The following SGCZ variants were observed in gnomAD, a reference collection of about 807,000 sequenced individuals.
The protein encoded by SGCZ is sarcoglycan zeta.
A neutral mutation model predicts 41.3 loss-of-function variants in SGCZ; 40 were observed. The observed-to-expected ratio is 0.97, with a 90% CI of 0.75 to 1.26. The LOEUF is 1.26. SGCZ is among the 50% of genes most tolerant of loss of function. The pLI, the probability that SGCZ is intolerant of heterozygous loss-of-function variation, is 0.00. For synonymous variants in SGCZ, 206 were observed against 137.5 expected, an observed-to-expected ratio of 1.50 and a Z score of -3.49; for missense variants, 552 against 369.8, an observed-to-expected ratio of 1.49 and a Z score of -4.04.
chr8:14,203,755 C>T (rs1309370312), intron 4 of SGCZ, among the ~76,000 whole-genome samples: 1 of 152,096 alleles, frequency 6.6e-6, no homozygotes, highest in Non-Finnish European at 1.5e-5. Flanking sequence ...ATAATTAAAG[C>T]AGAATGCACT....
Position 15,056,455 on chromosome 8 carries a change from T to A in SGCZ, c.39+181130A>T, listed in dbSNP as rs188179131. On this transcript the variant is annotated intron_variant, in intron 1 of 7. Coordinates refer to ENST00000382080, the MANE Select transcript of SGCZ (RefSeq NM_139167.4). ...CAAACAGTGCCAGGCCCATTGTAAG[T>A]TGAACAAAAAACTCACTATTAATGA... 3.9e-5 allele frequency among the ~76,000 whole-genome samples: 6 copies of A among 152,210 alleles called. 1 individual carries two copies. The highest frequency in any genetic ancestry group is 1.9e-4 in the East Asian group (1 of 5,168).
chr8:14,345,269 G>T (rs982114255), intron 2 of SGCZ, among the ~76,000 whole-genome samples: 23 of 152,036 alleles, frequency 1.5e-4, no homozygotes, highest in African/African-American at 5.1e-4. Context: ...AAAAAGAATG[G>T]CACTATCAAG....
chr8:14,184,838 G>A (rs886775241), intron 4 of SGCZ, among the ~76,000 whole-genome samples: 3 of 152,106 alleles, frequency 2.0e-5, no homozygotes, highest in Admixed American at 6.5e-5. Context: ...TTTAACAAAA[G>A]TGCCCCTCTA....
intron 1 of SGCZ, among the ~76,000 whole-genome samples, chr8:14,835,816 T>C (rs1200636558): frequency 6.6e-6 from 1 of 152,206 alleles, no homozygotes; most frequent in African/African-American, 2.4e-5. Context: ...TTATGTCAGT[T>C]GCTGGGAAAT....
chr8:14,863,910 C>T (rs114729007), intron 1 of SGCZ, among the ~76,000 whole-genome samples: 2,274 of 152,168 alleles, frequency 0.015, 27 homozygotes, highest in African/African-American at 0.039. Flanking sequence ...TTTAATGTGT[C>T]TTGCATGGAA....
chr8:15,172,145 T>TCG lies in SGCZ; in HGVS notation c.39+65439_39+65440insCG, dbSNP rs1391706167. 6.7e-5 allele frequency among the ~76,000 whole-genome samples: 9 copies of TCG among 134,454 alleles called. No homozygotes were observed. In the East Asian group the frequency reaches 1.1e-3, roughly 16 times the overall value. 88.2% of individuals were successfully genotyped at this position (134,454 alleles called of 152,430 possible). ...TTAGTTTAAAGGAAAAAAATGCCTT[T>TCG]TATACTCTGTTTTTTTTTTTTTTTT... is the stretch of plus-strand genomic sequence containing the variant. On this transcript the variant is annotated intron_variant, in intron 1 of 7. Coordinates refer to ENST00000382080, the MANE Select transcript of SGCZ (RefSeq NM_139167.4).
At chr8:14,191,910 T>A (rs902586939) in intron 4 of SGCZ, among the ~76,000 whole-genome samples, 1 of 151,878 alleles carries the variant, frequency 6.6e-6, no homozygotes. Flanking sequence ...TGAAATTTTA[T>A]CTAAAAAAAA....
intron 1 of SGCZ, among the ~76,000 whole-genome samples, chr8:14,762,630 A>G (rs1799924150): frequency 1.3e-5 from 2 of 152,220 alleles, no homozygotes; most frequent in Admixed American, 1.3e-4. Flanking sequence ...AATTCAAAGC[A>G]AAATGACAAC....
intron 1 of SGCZ, among the ~76,000 whole-genome samples, chr8:14,566,828 G>A (rs922589721): frequency 8.5e-5 from 13 of 152,216 alleles, no homozygotes; most frequent in African/African-American, 2.2e-4. Context: ...TGGAGGGAGA[G>A]GCACAGGCAG....
intron 1 of SGCZ, among the ~76,000 whole-genome samples, chr8:14,685,551 A>G (rs1808585560): frequency 6.6e-6 from 1 of 152,130 alleles, no homozygotes; most frequent in African/African-American, 2.4e-5. Flanking sequence ...ATTGCTATTC[A>G]TTGAAATACT....
intron 1 of SGCZ, among the ~76,000 whole-genome samples, chr8:14,579,982 T>C (rs1360438306): frequency 6.6e-6 from 1 of 152,206 alleles, no homozygotes; most frequent in Non-Finnish European, 1.5e-5. Context: ...CTGAAATGAT[T>C]TAAGGAGCAG....
At chr8:14,544,111 C>T (rs544236389) in intron 2 of SGCZ, among the ~76,000 whole-genome samples, 1 of 152,068 alleles carries the variant, frequency 6.6e-6, no homozygotes, top group African/African-American at 2.4e-5. Context: ...GGACCCCAAA[C>T]GGAGGGACTG....
chr8:14,303,323 G>A (rs550548298), intron 3 of SGCZ, among the ~76,000 whole-genome samples: 24 of 152,156 alleles, frequency 1.6e-4, no homozygotes, highest in African/African-American at 5.5e-4. Context: ...CGAAATATGG[G>A]AGGTTAGGGT....
At position 14,823,055 on chromosome 8, in the gene SGCZ, T is replaced by TAAAAAAAAAAAAAAA. The variant is rs34307530; in HGVS notation, c.40-268144_40-268130dup. 6.5e-4 allele frequency among the ~76,000 whole-genome samples: 49 copies of TAAAAAAAAAAAAAAA among 75,470 alleles called. 1 individual carries two copies. Among genetic ancestry groups the TAAAAAAAAAAAAAAA allele is most frequent in the South Asian group, 4.7e-3 (8 of 1,708 alleles). 49.5% of individuals were successfully genotyped at this position (75,470 alleles called of 152,430 possible). A position where few individuals can be genotyped will look rare whatever the true frequency, so the allele number is the denominator to read the frequency against. Reference sequence around the variant, plus strand: ...GGCAATGAAGCCACACCAATCCTCATAAAAAAAAAAAAAAAAAAAAAAGAC... The same window carrying TAAAAAAAAAAAAAAA: ...GGCAATGAAGCCACACCAATCCTCATAAAAAAAAAAAAAAAAAAAAAAAAAAAAAAAAAAAAAGAC... On this transcript the variant is annotated intron_variant, in intron 1 of 7. Coordinates refer to ENST00000382080, the MANE Select transcript of SGCZ (RefSeq NM_139167.4).
chr8:14,603,330 T>C (rs886317446), intron 1 of SGCZ, among the ~76,000 whole-genome samples: 1 of 152,082 alleles, frequency 6.6e-6, no homozygotes, highest in Non-Finnish European at 1.5e-5. Context: ...AAACAATATA[T>C]CAGTTAAGTC....
intron 3 of SGCZ, among the ~76,000 whole-genome samples, chr8:14,301,144 A>G (rs954511610): frequency 6.6e-6 from 1 of 151,786 alleles, no homozygotes; most frequent in African/African-American, 2.4e-5. Context: ...TAGATGCCTC[A>G]TATGTGCTCG....
chr8:15,027,543 G>C (rs4304329), intron 1 of SGCZ, among the ~76,000 whole-genome samples: 7 of 151,870 alleles, frequency 4.6e-5, no homozygotes, highest in African/African-American at 1.7e-4. Context: ...CAGATAAGTG[G>C]CTTATCTTCT....
At chr8:15,077,877 C>T (rs1805596876) in intron 1 of SGCZ, among the ~76,000 whole-genome samples, 1 of 152,174 alleles carries the variant, frequency 6.6e-6, no homozygotes, top group Non-Finnish European at 1.5e-5. Flanking sequence ...AGGAGGCAGA[C>T]AAATGCCTAG....
At chr8:14,917,911 T>C (rs1408289497) in intron 1 of SGCZ, among the ~76,000 whole-genome samples, 1 of 152,188 alleles carries the variant, frequency 6.6e-6, no homozygotes, top group Non-Finnish European at 1.5e-5. Flanking sequence ...CTGTTTTCAG[T>C]TATATTACAT....
Sources: gnomAD v4.1 joint callset for allele counts (sites outside exome capture counted in the v4.1 genomes callset) on GRCh38, gnomAD v4.1.1 for gene constraint, MANE v1.5 for transcripts, NCBI Gene and HGNC (gene_info 2026-07-23, HGNC 2026-07-21) for gene names.